Variants in CNBD1 observed in about 807,000 individuals in gnomAD.
CNBD1 encodes the protein cyclic nucleotide binding domain containing 1.
Under a neutral mutation model 54.4 loss-of-function variants are expected in CNBD1, and 71 were observed. The ratio of observed to expected loss-of-function variants is 1.30; its 90% CI spans 1.08 to 1.59. The LOEUF is 1.59. Ranked by LOEUF, CNBD1 falls within the 40% of genes most tolerant of loss-of-function variation. The probability of loss-of-function intolerance (pLI) is 0.00; values close to 1 mark genes in which losing one functional copy is unlikely to be tolerated. For missense variants in CNBD1, 659 were observed against 518.0 expected (o/e 1.27, Z -2.64); for synonymous variants, 182 against 170.7 (o/e 1.07, Z -0.51).
intron 4 of CNBD1, among the ~76,000 whole-genome samples, chr8:86,989,725 A>G (rs1226588898): frequency 1.3e-5 from 2 of 152,182 alleles, no homozygotes; most frequent in African/African-American, 4.8e-5. Context: ...TGTTAGGATT[A>G]CAGGCATGAG....
At chr8:87,369,517 T>C (rs1482718844) in intron 10 of CNBD1, among the ~76,000 whole-genome samples, 1 of 152,054 alleles carries the variant, frequency 6.6e-6, no homozygotes, top group Non-Finnish European at 1.5e-5. Context: ...TCTCAGTCTT[T>C]ATTTATCTGG....
chr8:87,317,045 G>T (rs1204625154), intron 8 of CNBD1, among the ~76,000 whole-genome samples: 2 of 151,494 alleles, frequency 1.3e-5, no homozygotes, highest in Non-Finnish European at 3.0e-5. Context: ...TGTAAAATGG[G>T]GATAATAATG....
At chr8:87,265,709 CTATA>C in intron 6 of CNBD1, among the ~76,000 whole-genome samples, 1 of 152,126 alleles carries the variant, frequency 6.6e-6, no homozygotes, top group East Asian at 1.9e-4. Context: ...CATCCATTCA[CTATA>C]TATCATTTAT....
chr8:87,157,000 A>G (rs1036596878), intron 4 of CNBD1, among the ~76,000 whole-genome samples: 1 of 152,194 alleles, frequency 6.6e-6, no homozygotes, highest in Non-Finnish European at 1.5e-5. Context: ...TCTAAGGCAC[A>G]GAGCTAAATG....
intron 4 of CNBD1, among the ~76,000 whole-genome samples, chr8:87,079,043 T>C (rs1231919526): frequency 6.9e-6 from 1 of 144,760 alleles, no homozygotes; most frequent in Admixed American, 6.8e-5. Context: ...CCCAGGAAAC[T>C]ACCAATTTTT....
At chr8:87,294,252 G>T (rs914014948) in intron 8 of CNBD1, among the ~76,000 whole-genome samples, 1 of 152,080 alleles carries the variant, frequency 6.6e-6, no homozygotes, top group Non-Finnish European at 1.5e-5. Flanking sequence ...TCATTATTTG[G>T]GAGTATTGTA....
At chr8:87,000,660 C>T (rs1808972800) in intron 4 of CNBD1, among the ~76,000 whole-genome samples, 1 of 152,116 alleles carries the variant, frequency 6.6e-6, no homozygotes, top group African/African-American at 2.4e-5. Flanking sequence ...GGAATATATT[C>T]TGGTTGTTTG....
At chr8:86,887,369 C>T (rs7841447) in intron 1 of CNBD1, among the ~76,000 whole-genome samples, 173 bp from the exon 2 acceptor site, 71,711 of 151,890 alleles carry the variant, frequency 0.47, 17,119 homozygotes, top group East Asian at 0.55. Flanking sequence ...CTTTCCTCAC[C>T]TTAATCACCC....
At chr8:87,133,821 G>A (rs1468895796) in intron 4 of CNBD1, among the ~76,000 whole-genome samples, 1 of 152,086 alleles carries the variant, frequency 6.6e-6, no homozygotes, top group Non-Finnish European at 1.5e-5. Context: ...ATTAGGAAAT[G>A]TTTGATCTTG....
At chr8:87,262,785 T>C (rs1295030947) in intron 6 of CNBD1, among the ~76,000 whole-genome samples, 1 of 152,214 alleles carries the variant, frequency 6.6e-6, no homozygotes, top group Non-Finnish European at 1.5e-5. Flanking sequence ...TCCTTATCTG[T>C]TCTGTTAAGT....
intron 4 of CNBD1, among the ~76,000 whole-genome samples, chr8:87,056,058 A>G (rs1032083333): frequency 6.6e-6 from 1 of 152,088 alleles, no homozygotes; most frequent in East Asian, 1.9e-4. Context: ...TCAACAATCA[A>G]TGTAGTAAGT....
At chr8:86,965,187 A>G (rs1808038877) in intron 4 of CNBD1, among the ~76,000 whole-genome samples, 1 of 152,194 alleles carries the variant, frequency 6.6e-6, no homozygotes, top group African/African-American at 2.4e-5. Flanking sequence ...TAACATTTTA[A>G]TATTGTATAT....
At chr8:87,128,574 G>C (rs908340973) in intron 4 of CNBD1, among the ~76,000 whole-genome samples, 11 of 152,096 alleles carry the variant, frequency 7.2e-5, no homozygotes, top group African/African-American at 2.7e-4. Context: ...TGAAAGTTTT[G>C]AACTGTGATG....
chr8:87,355,345 G>T (rs1297977344), intron 10 of CNBD1, among the ~76,000 whole-genome samples: 2 of 151,914 alleles, frequency 1.3e-5, no homozygotes, highest in African/African-American at 2.4e-5. Context: ...CATCTCTAAG[G>T]TCATTGCTTT....
intron 4 of CNBD1, among the ~76,000 whole-genome samples, chr8:87,023,295 A>G (rs937828376): frequency 6.6e-6 from 1 of 152,210 alleles, no homozygotes; most frequent in Admixed American, 6.5e-5. Flanking sequence ...CACAGTTAAC[A>G]AGTTAAGAAT....
intron 3 of CNBD1, among the ~76,000 whole-genome samples, chr8:86,925,557 G>A (rs998738709): frequency 2.0e-5 from 3 of 150,332 alleles, no homozygotes; most frequent in Non-Finnish European, 3.0e-5. Flanking sequence ...GGGATTGGGG[G>A]TAAAGGCAGT....
At chr8:87,426,226 C>T (rs1434915764) in intron 2 of CNBD1, among the ~76,000 whole-genome samples, 2 of 152,110 alleles carry the variant, frequency 1.3e-5, no homozygotes, top group Admixed American at 6.5e-5. Flanking sequence ...TCTGGCACTC[C>T]CTAGTGAGAT....
intron 4 of CNBD1, among the ~76,000 whole-genome samples, chr8:86,985,527 G>C (rs962083642): frequency 6.6e-6 from 1 of 152,086 alleles, no homozygotes; most frequent in Non-Finnish European, 1.5e-5. Flanking sequence ...AGGATTATGG[G>C]CTCAAGCTGC....
At chr8:86,974,119 A>G (rs943396234) in intron 4 of CNBD1, among the ~76,000 whole-genome samples, 5 of 152,268 alleles carry the variant, frequency 3.3e-5, no homozygotes, top group African/African-American at 1.2e-4. Context: ...TTACAGTTTT[A>G]TTTTATAATT....
Sources: gnomAD v4.1 joint callset for allele counts (sites outside exome capture counted in the v4.1 genomes callset) on GRCh38, gnomAD v4.1.1 for gene constraint, MANE v1.5 for transcripts, NCBI Gene and HGNC (gene_info 2026-07-23, HGNC 2026-07-21) for gene names.